Variants in BTD observed in about 807,000 individuals in gnomAD.
BTD encodes biotinidase.
Under a neutral mutation model 17.7 loss-of-function variants are expected in BTD, and 13 were observed. That is an observed-to-expected ratio of 0.74 (90% CI 0.48 to 1.17). The LOEUF (loss-of-function observed/expected upper bound fraction) is 1.17, where lower values mean the gene tolerates loss of function less well. Among genes scored for constraint, BTD ranks in the 50% most tolerant of loss-of-function variants. The pLI is 0.00. For synonymous variants in BTD, 240 were observed against 245.2 expected, an observed-to-expected ratio of 0.98 and a Z score of 0.20; for missense variants, 674 against 650.4, an observed-to-expected ratio of 1.04 and a Z score of -0.39.
intron 3 of BTD, among the ~76,000 whole-genome samples, chr3:15,673,542 A>G (rs1464600309): frequency 6.6e-6 from 1 of 152,254 alleles, no homozygotes; most frequent in East Asian, 1.9e-4. Context: ...ATTATATACA[A>G]TATGTTAAAA....
At chr3:15,697,370 C>T (rs1186084056) in intron 3 of BTD, 1 of 152,120 alleles carries the variant, frequency 6.6e-6, no homozygotes, top group Non-Finnish European at 1.5e-5. Context: ...ACATTGGATA[C>T]AGTGTACATT....
intron 3 of BTD, among the ~76,000 whole-genome samples, chr3:15,692,118 T>G (rs2068880179): frequency 1.5e-5 from 2 of 136,712 alleles, no homozygotes; most frequent in Non-Finnish European, 1.5e-5. Context: ...CCAGCCTGGG[T>G]GACAGAATGA....
At chr3:15,686,384 C>G in intron 3 of BTD, 2 of 1,199,858 alleles carry the variant, frequency 1.7e-6, no homozygotes, top group South Asian at 2.7e-5. Flanking sequence ...AAAAGCACAT[C>G]TTCTAGAATT....
intron 3 of BTD, among the ~76,000 whole-genome samples, chr3:15,708,389 A>T (rs1043917515): frequency 9.2e-5 from 14 of 152,198 alleles, no homozygotes; most frequent in Non-Finnish European, 1.9e-4. Flanking sequence ...CTTTCATTTT[A>T]GGAAAGTTTC....
At chr3:15,631,641 T>G (rs942733698) in intron 1 of BTD, 60 of 707,240 alleles carry the variant, frequency 8.5e-5, no homozygotes, top group African/African-American at 1.8e-5. Flanking sequence ...TGGGGGAATG[T>G]TTTCCTTATG....
At chr3:15,692,146 A>T (rs1335013237) in intron 3 of BTD, among the ~76,000 whole-genome samples, 2 of 140,070 alleles carry the variant, frequency 1.4e-5, no homozygotes, top group African/African-American at 5.8e-5. Context: ...TCTCTAAATA[A>T]AAAAAAAAAA....
chr3:15,697,965 GTGTATA>G lies in BTD; in HGVS notation c.400-12091_400-12086del, dbSNP rs1443616737. 2.0e-5 allele frequency among the ~76,000 whole-genome samples: 3 copies of G among 152,048 alleles called. No individual in the cohort carries two copies. The East Asian group carries it at 5.8e-4, about 29-fold the overall frequency. Reference sequence around the variant, plus strand: ...TTCTTCCTGGTTTAGTCTTGGGAGGGTGTATATGTCCAAGAATTTATCCCTTTCTTC... The same window carrying G: ...TTCTTCCTGGTTTAGTCTTGGGAGGGTGTCCAAGAATTTATCCCTTTCTTC... On this transcript the variant is annotated intron_variant, in intron 3 of 3. Transcript: ENST00000672141.
intron 1 of BTD, among the ~76,000 whole-genome samples, chr3:15,627,470 C>T (rs2125418567): frequency 6.6e-6 from 1 of 152,274 alleles, no homozygotes; most frequent in East Asian, 1.9e-4. Context: ...TCAAGCAATC[C>T]TCCTGCCTCA....
intron 3 of BTD, among the ~76,000 whole-genome samples, chr3:15,643,737 G>A (rs1400350376): frequency 1.3e-5 from 2 of 151,382 alleles, no homozygotes; most frequent in Non-Finnish European, 2.9e-5. Context: ...TGTTTATTAT[G>A]GATAAATATA....
intron 1 of BTD, chr3:15,631,390 G>A: frequency 7.0e-7 from 1 of 1,419,388 alleles, no homozygotes; most frequent in South Asian, 1.3e-5. Flanking sequence ...AAATTATTAA[G>A]AATGCCTTAA....
intron 2 of BTD, among the ~76,000 whole-genome samples, chr3:15,639,109 A>T (rs1196544510): frequency 6.6e-6 from 1 of 152,096 alleles, no homozygotes; most frequent in Non-Finnish European, 1.5e-5. Flanking sequence ...TCTTGATCTC[A>T]TTGAGATCTA....
At chr3:15,672,287 G>A (rs2125594826) in intron 3 of BTD, among the ~76,000 whole-genome samples, 2 of 152,008 alleles carry the variant, frequency 1.3e-5, no homozygotes, top group South Asian at 2.1e-4. Flanking sequence ...CTGACTATAG[G>A]CACATGCCAT....
At chr3:15,630,422 C>T (rs2065178099) in intron 1 of BTD, among the ~76,000 whole-genome samples, 1 of 152,112 alleles carries the variant, frequency 6.6e-6, no homozygotes, top group Non-Finnish European at 1.5e-5. Flanking sequence ...ATTCAAATTC[C>T]ATGTGCAAAA....
At chr3:15,679,603 A>C (rs367729138) in intron 3 of BTD, 9 of 1,504,762 alleles carry the variant, frequency 6.0e-6, no homozygotes, top group Non-Finnish European at 9.1e-7. Context: ...AATTCAAAGG[A>C]GATACTGGCA....
chr3:15,606,553 A>G (rs1476047187), intron 1 of BTD: 3 of 152,360 alleles, frequency 2.0e-5, no homozygotes, highest in Non-Finnish European at 2.9e-5. Context: ...ATGAAGTGCA[A>G]TGAAAACTGA....
chr3:15,676,003 C>A, intron 3 of BTD: 1 of 1,606,432 alleles, frequency 6.2e-7, no homozygotes, highest in Non-Finnish European at 8.5e-7. Flanking sequence ...GGGGAAAAAA[C>A]ATGATACATG....
intron 3 of BTD, among the ~76,000 whole-genome samples, chr3:15,700,986 G>A (rs957072168): frequency 6.6e-6 from 1 of 152,180 alleles, no homozygotes; most frequent in Non-Finnish European, 1.5e-5. Context: ...GTGATAATTT[G>A]TTTGGTATTC....
At chr3:15,608,780 A>G (rs2064532633) in intron 1 of BTD, among the ~76,000 whole-genome samples, 1 of 152,036 alleles carries the variant, frequency 6.6e-6, no homozygotes, top group Non-Finnish European at 1.5e-5. Flanking sequence ...AAAAAAAAAA[A>G]AGAAATCATA....
At chr3:15,676,808 T>C in intron 3 of BTD, 1 of 507,692 alleles carries the variant, frequency 2.0e-6, no homozygotes, top group Non-Finnish European at 3.4e-6. Context: ...TAATATGGCT[T>C]TTAGTTGTGA....
Sources: allele counts gnomAD v4.1 joint callset (sites outside exome capture counted in the v4.1 genomes callset), GRCh38; gene constraint gnomAD v4.1.1; transcripts MANE v1.5; gene names NCBI Gene and HGNC (gene_info 2026-07-23, HGNC 2026-07-21).